The following DOCK5 variants were observed in gnomAD, a reference collection of about 807,000 sequenced individuals.
The protein encoded by DOCK5 is dedicator of cytokinesis protein 5.
DOCK5 carries 142 observed loss-of-function variants against 251.8 expected under a neutral mutation model. The ratio of observed to expected loss-of-function variants is 0.56; its 90% CI spans 0.49 to 0.65. The LOEUF is 0.65. DOCK5 is among the 30% of genes least tolerant of loss of function. The probability of loss-of-function intolerance (pLI) is 0.00; values close to 1 mark genes in which losing one functional copy is unlikely to be tolerated. For missense variants in DOCK5, 2,111 were observed against 2,312.3 expected (o/e 0.91, Z 1.79); for synonymous variants, 842 against 835.5 (o/e 1.01, Z -0.13).
intron 18 of DOCK5, among the ~76,000 whole-genome samples, chr8:25,326,095 T>A: frequency 6.6e-6 from 1 of 152,244 alleles, no homozygotes. Flanking sequence ...ATCTCTGATA[T>A]CAATTTTAAC....
chr8:25,185,231 A>G (rs1297312412), intron 1 of DOCK5, among the ~76,000 whole-genome samples: 1 of 151,958 alleles, frequency 6.6e-6, no homozygotes, highest in Admixed American at 6.6e-5. Flanking sequence ...CACCAGGGAA[A>G]TGTCAACGCG....
intron 33 of DOCK5, among the ~76,000 whole-genome samples, chr8:25,369,055 T>C (rs182918801): frequency 8.6e-4 from 131 of 152,352 alleles, no homozygotes; most frequent in Non-Finnish European, 1.3e-3. Context: ...ACCTATCTAT[T>C]ATAGTACGGC....
At chr8:25,377,119 C>T (rs1456136191) in intron 37 of DOCK5, among the ~76,000 whole-genome samples, 186 bp from the exon 38 acceptor site, 1 of 152,116 alleles carries the variant, frequency 6.6e-6, no homozygotes, top group African/African-American at 2.4e-5. Context: ...GTGAGTGCTC[C>T]TTCATTTGGC....
At chr8:25,383,197 G>C (rs1801101850) in intron 40 of DOCK5, among the ~76,000 whole-genome samples, 1 of 152,074 alleles carries the variant, frequency 6.6e-6, no homozygotes, top group African/African-American at 2.4e-5. Flanking sequence ...GACAAGGATG[G>C]TATTTTTCTT....
chr8:25,384,467 T>TTTATTTATTTA (rs1272571268), intron 40 of DOCK5, among the ~76,000 whole-genome samples: 17 of 87,502 alleles, frequency 1.9e-4, no homozygotes, highest in African/African-American at 5.5e-4. Flanking sequence ...TTATTTATTT[T>TTTATTTATTTA]TTTTTTTTTT....
chr8:25,311,024 T>C (rs1422421071), intron 13 of DOCK5, among the ~76,000 whole-genome samples: 1 of 152,214 alleles, frequency 6.6e-6, no homozygotes, highest in Non-Finnish European at 1.5e-5. Context: ...CTCCATTCTC[T>C]GAAGCTCCAA....
At chr8:25,312,440 A>C (rs1805126245) in intron 13 of DOCK5, among the ~76,000 whole-genome samples, 1 of 152,156 alleles carries the variant, frequency 6.6e-6, no homozygotes. Flanking sequence ...GGTTCATAGG[A>C]TGCCAAGGGC....
At chr8:25,342,997 G>A (rs998021359) in intron 25 of DOCK5, among the ~76,000 whole-genome samples, 23 of 151,334 alleles carry the variant, frequency 1.5e-4, no homozygotes, top group Admixed American at 2.6e-4. Flanking sequence ...GAGCCACCGC[G>A]TCCGGCTTGT....
At chr8:25,234,290 A>C (rs1050773766) in intron 1 of DOCK5, among the ~76,000 whole-genome samples, 3 of 152,178 alleles carry the variant, frequency 2.0e-5, no homozygotes, top group Non-Finnish European at 4.4e-5. Context: ...TTCCTTAGTG[A>C]TGATTTCTGT....
intron 18 of DOCK5, among the ~76,000 whole-genome samples, chr8:25,330,547 G>C (rs1393532356): frequency 6.6e-6 from 1 of 152,148 alleles, no homozygotes; most frequent in African/African-American, 2.4e-5. Context: ...GACTGCTAAA[G>C]GGTAAAAGAG....
chr8:25,292,739 C>CAAACT (rs960333221), intron 6 of DOCK5, among the ~76,000 whole-genome samples: 2 of 152,140 alleles, frequency 1.3e-5, no homozygotes, highest in African/African-American at 2.4e-5. Context: ...CCCTGTCTCA[C>CAAACT]AAACTAAACT....
chr8:25,410,405 C>T (rs2117351635), intron 51 of DOCK5, among the ~76,000 whole-genome samples: 1 of 151,942 alleles, frequency 6.6e-6, no homozygotes, highest in Non-Finnish European at 1.5e-5. Flanking sequence ...AAGGTAGAGG[C>T]AGGTGTTCTC....
chr8:25,321,174 G>T, intron 16 of DOCK5, 122 bp downstream of exon 16: 1 of 799,160 alleles, frequency 1.3e-6, no homozygotes, highest in Non-Finnish European at 2.0e-6. Flanking sequence ...GCTGTATTTT[G>T]TAACTCACTG....
At chr8:25,223,891 A>G (rs966837638) in intron 1 of DOCK5, among the ~76,000 whole-genome samples, 1 of 152,222 alleles carries the variant, frequency 6.6e-6, no homozygotes, top group African/African-American at 2.4e-5. Flanking sequence ...ACTGAGGCTC[A>G]TCATAACAGA....
intron 1 of DOCK5, among the ~76,000 whole-genome samples, chr8:25,219,547 CTT>C (rs1802329399): frequency 6.6e-6 from 1 of 152,166 alleles, no homozygotes; most frequent in African/African-American, 2.4e-5. Flanking sequence ...TGTAGTAACT[CTT>C]TGAGGAAAGG....
intron 2 of DOCK5, among the ~76,000 whole-genome samples, chr8:25,251,759 C>T (rs538417776): frequency 1.8e-4 from 27 of 152,160 alleles, no homozygotes; most frequent in Admixed American, 3.9e-4. Context: ...GAGGCTGAGG[C>T]GGGCAGATCA....
chr8:25,395,936 C>A, intron 45 of DOCK5: 5 of 658,310 alleles, frequency 7.6e-6, no homozygotes, highest in Admixed American at 5.0e-5. Context: ...TAAAGCGTCA[C>A]AGAAAAAAAA....
Position 25,188,308 on chromosome 8 carries a change from G to A in DOCK5, c.43+3357G>A, listed in dbSNP as rs61695045. 4.2e-3 allele frequency among the ~76,000 whole-genome samples: 643 copies of A among 152,282 alleles called. 6 individuals are homozygous for A. Among genetic ancestry groups the A allele is most frequent in the African/African-American group, 0.015 (614 of 41,546 alleles). ...CAGACAGACTTTCTTAAATATAGTT[G>A]GGAAAATTGGCTTTCTGGACTTCTC... On this transcript the variant is annotated intron_variant, in intron 1 of 51. Transcript: ENST00000276440.
intron 21 of DOCK5, among the ~76,000 whole-genome samples, chr8:25,335,870 C>T (rs1409234262): frequency 6.6e-6 from 1 of 152,186 alleles, no homozygotes; most frequent in Non-Finnish European, 1.5e-5. Flanking sequence ...AAGTCAACTC[C>T]TGTAGGCAGG....
Sources: allele counts gnomAD v4.1 joint callset (sites outside exome capture counted in the v4.1 genomes callset), GRCh38; gene constraint gnomAD v4.1.1; transcripts MANE v1.5; gene names NCBI Gene and HGNC (gene_info 2026-07-23, HGNC 2026-07-21).